Variants in NR6A1 observed in about 807,000 individuals in gnomAD.
NR6A1 encodes retinoic acid receptor-related testis-associated receptor.
Under a neutral mutation model 59.1 loss-of-function variants are expected in NR6A1, and 7 were observed. The ratio of observed to expected loss-of-function variants is 0.12; its 90% confidence interval spans 0.07 to 0.22. The LOEUF (loss-of-function observed/expected upper bound fraction) is 0.22, where lower values mean the gene tolerates loss of function less well. NR6A1 is among the 10% of genes least tolerant of loss of function. NR6A1 has a pLI of 1.00. For missense variants in NR6A1, 468 were observed against 611.6 expected (o/e 0.77, Z 2.48); for synonymous variants, 243 against 236.1 (o/e 1.03, Z -0.27).
chr9:124,689,013 G>A (rs144785249), intron 2 of NR6A1, among the ~76,000 whole-genome samples: 158 of 152,268 alleles, frequency 1.0e-3, no homozygotes, highest in African/African-American at 3.5e-3. Flanking sequence ...AAAAGTGGTA[G>A]AGCATTAATT....
In NR6A1 at chr9:124,717,204, T is replaced by TG. The variant is rs767115184; in HGVS notation, c.142+16103_142+16104insC. On this transcript the variant is annotated intron_variant, in intron 2 of 9. Coordinates refer to ENST00000487099, the MANE Select transcript of NR6A1 (RefSeq NM_033334.4). ...TCTGTTCGGAAATTTCATAAAAAGT[T>TG]TAACATATACCATATCACCCAGTAA... Among the ~76,000 whole-genome samples, 69 of 152,204 alleles carry TG rather than the reference T, an allele frequency of 4.5e-4. 1 individual carries two copies. Among genetic ancestry groups the TG allele is most frequent in the Admixed American group, 2.0e-4 (3 of 15,276 alleles).
intron 2 of NR6A1, among the ~76,000 whole-genome samples, chr9:124,705,021 C>T (rs1316262249): frequency 6.6e-6 from 1 of 152,222 alleles, no homozygotes; most frequent in Non-Finnish European, 1.5e-5. Context: ...TAGGCATGAG[C>T]CACTGTGCCT....
chr9:124,625,488 G>C (rs1339914474), intron 2 of NR6A1, among the ~76,000 whole-genome samples: 1 of 152,092 alleles, frequency 6.6e-6, no homozygotes, highest in Non-Finnish European at 1.5e-5. Context: ...CACCATGTCT[G>C]GCTAATTCTT....
At chr9:124,530,615 A>G (rs1833074701) in intron 7 of NR6A1, among the ~76,000 whole-genome samples, 1 of 152,204 alleles carries the variant, frequency 6.6e-6, no homozygotes, top group Non-Finnish European at 1.5e-5. Context: ...TGAAACTGAC[A>G]CTATGTAAGT....
chr9:124,745,729 T>A (rs1243264024), intron 1 of NR6A1, among the ~76,000 whole-genome samples: 3 of 135,478 alleles, frequency 2.2e-5, no homozygotes, highest in Non-Finnish European at 4.7e-5. Context: ...ACATCTGTAA[T>A]CCTAGCTTTG....
At chr9:124,611,254 T>C (rs1289372420) in intron 2 of NR6A1, among the ~76,000 whole-genome samples, 2 of 152,146 alleles carry the variant, frequency 1.3e-5, no homozygotes, top group East Asian at 3.9e-4. Flanking sequence ...AAAGTACTTA[T>C]CATAGGCCCA....
intron 1 of NR6A1, among the ~76,000 whole-genome samples, chr9:124,738,578 G>A (rs903976085): frequency 1.3e-5 from 2 of 152,038 alleles, no homozygotes; most frequent in African/African-American, 4.8e-5. Context: ...ACTGAAAAAA[G>A]GACACGGGGG....
At chr9:124,628,361 T>A (rs1241404005) in intron 2 of NR6A1, among the ~76,000 whole-genome samples, 6 of 152,076 alleles carry the variant, frequency 3.9e-5, no homozygotes, top group Non-Finnish European at 7.4e-5. Context: ...TTAATTTTTT[T>A]TGAGATGGAG....
intron 2 of NR6A1, among the ~76,000 whole-genome samples, chr9:124,719,089 C>T (rs901363122): frequency 6.6e-6 from 1 of 151,924 alleles, no homozygotes; most frequent in African/African-American, 2.4e-5. Flanking sequence ...ATTGTTCAAT[C>T]TAAGTTTTCT....
intron 2 of NR6A1, among the ~76,000 whole-genome samples, chr9:124,650,337 G>A (rs1038108394): frequency 6.6e-6 from 1 of 152,068 alleles, no homozygotes; most frequent in African/African-American, 2.4e-5. Flanking sequence ...GGCACCGAAA[G>A]ACAAATATCA....
At chr9:124,612,458 G>A (rs1453953179) in intron 2 of NR6A1, among the ~76,000 whole-genome samples, 1 of 152,170 alleles carries the variant, frequency 6.6e-6, no homozygotes. Context: ...ATCCCTTCTT[G>A]ACAAGCCTGC....
At chr9:124,635,974 A>G (rs1836599812) in intron 2 of NR6A1, among the ~76,000 whole-genome samples, 1 of 152,232 alleles carries the variant, frequency 6.6e-6, no homozygotes, top group South Asian at 2.1e-4. Flanking sequence ...CATTCCCACC[A>G]GCAATGAATA....
intron 3 of NR6A1, among the ~76,000 whole-genome samples, chr9:124,546,267 G>C (rs1190944934): frequency 6.6e-6 from 1 of 152,168 alleles, no homozygotes; most frequent in Non-Finnish European, 1.5e-5. Context: ...TGGATCTAAG[G>C]CTCACAGAAA....
intron 2 of NR6A1, among the ~76,000 whole-genome samples, chr9:124,576,805 G>C (rs1009109698): frequency 6.6e-6 from 1 of 152,176 alleles, no homozygotes; most frequent in Non-Finnish European, 1.5e-5. Flanking sequence ...GTGAATCCTA[G>C]TTGAGATTAG....
chr9:124,548,888 C>T (rs548550085), intron 3 of NR6A1, among the ~76,000 whole-genome samples: 19 of 152,182 alleles, frequency 1.2e-4, no homozygotes, highest in Non-Finnish European at 2.4e-4. Flanking sequence ...CTCATTTCTC[C>T]TCTGACAATA....
At chr9:124,721,910 T>C (rs542725992) in intron 2 of NR6A1, among the ~76,000 whole-genome samples, 1 of 152,226 alleles carries the variant, frequency 6.6e-6, no homozygotes, top group Admixed American at 6.5e-5. Flanking sequence ...CTAGGTACTT[T>C]GGGGTGAGTC....
At position 124,665,008 on chromosome 9, in the gene NR6A1, TCC is replaced by T. The variant is rs1377223876; in HGVS notation, c.142+68298_142+68299del. Among the ~76,000 whole-genome samples the T allele has an allele frequency of 1.8e-3, 44 of 24,674 alleles. 4 individuals carry two copies. The highest frequency in any genetic ancestry group is 0.029 in the Middle Eastern group (1 of 34). 16.2% of individuals were successfully genotyped at this position (24,674 alleles called of 152,430 possible). A position where few individuals can be genotyped will look rare whatever the true frequency, so the allele number is the denominator to read the frequency against. On this transcript the variant is annotated intron_variant, in intron 2 of 9. Coordinates refer to ENST00000487099, the MANE Select transcript of NR6A1 (RefSeq NM_033334.4). ...GGCAATATAATAAGATCCTTGTATC[TCC>T]AAAAAAAAAAAAAAAAAAAAAAAAA...
At chr9:124,642,994 A>T (rs1836809770) in intron 2 of NR6A1, among the ~76,000 whole-genome samples, 1 of 127,860 alleles carries the variant, frequency 7.8e-6, no homozygotes, top group Admixed American at 7.6e-5. Context: ...GTAGGTCTCA[A>T]AGGCCAAAAT....
intron 2 of NR6A1, among the ~76,000 whole-genome samples, chr9:124,633,335 G>T (rs138244033): frequency 0.016 from 2,404 of 150,040 alleles, 73 homozygotes; most frequent in East Asian, 0.15. Flanking sequence ...CCCGGGAGGC[G>T]GAGCTTGCAG....
Sources: allele counts gnomAD v4.1 joint callset (sites outside exome capture counted in the v4.1 genomes callset), GRCh38; gene constraint gnomAD v4.1.1; transcripts MANE v1.5; gene names NCBI Gene and HGNC (gene_info 2026-07-23, HGNC 2026-07-21).